Variants in LRRN1 observed in about 807,000 individuals in gnomAD.
LRRN1 encodes the protein leucine rich repeat neuronal 1.
In LRRN1, 14 loss-of-function variants were observed where a neutral mutation model predicts 45.8. That is an observed-to-expected ratio of 0.31 (90% confidence interval 0.20 to 0.48). LRRN1 has a LOEUF of 0.48. Ranked by LOEUF, LRRN1 falls within the 20% of genes least tolerant of loss-of-function variation. The pLI, the probability that LRRN1 is intolerant of heterozygous loss-of-function variation, is 0.99. For missense variants in LRRN1, 789 were observed against 874.2 expected (o/e 0.90, Z 1.23); for synonymous variants, 359 against 330.1 (o/e 1.09, Z -0.95).
rs2106473250 is a variant in LRRN1, at chr3:3,846,359, G to C, written c.1718G>C (p.Arg573Thr). The change falls in exon 2 of 2, where the codon AGG becomes ACG. Residue 573 changes from arginine (R) to threonine (T), a missense_variant. Physicochemically the swap from Arg to Thr is moderately conservative, Grantham distance 71 (BLOSUM62 -1). Transcript: ENST00000319331. This position sits in a 1 kb window ranked among gnomAD's most constrained non-coding sequence, Gnocchi z 5.7. ...IDNPHITYTA[R>T]VPVDVHEYNL... is the part of the protein sequence containing the mutation. The stretch of plus-strand genomic sequence containing the variant: ...AACCCTCACATAACATATACTGCCA[G>C]GGTCCCAGTCGATGTCCATGAATAC... The C allele has an allele frequency of 6.2e-7, 1 of 1,613,818 alleles. No individual in the cohort carries two copies. The highest frequency in any genetic ancestry group is 2.2e-5 in the East Asian group (1 of 44,880).
At chr3:3,823,643 A>G (rs1291217311) in intron 1 of LRRN1, among the ~76,000 whole-genome samples, 2 of 152,150 alleles carry the variant, frequency 1.3e-5, no homozygotes, top group Non-Finnish European at 2.9e-5. Flanking sequence ...TGAGGTAGGT[A>G]TAACTATGCC....
intron 1 of LRRN1, among the ~76,000 whole-genome samples, chr3:3,814,289 C>T: frequency 6.7e-6 from 1 of 150,340 alleles, no homozygotes; most frequent in Non-Finnish European, 1.5e-5. Flanking sequence ...TTAAATGGTC[C>T]CCCTGGCTAT....
At chr3:3,802,529 A>G (rs1168206523) in intron 1 of LRRN1, among the ~76,000 whole-genome samples, 1 of 152,222 alleles carries the variant, frequency 6.6e-6, no homozygotes, top group African/African-American at 2.4e-5. Context: ...GGGGTGGACA[A>G]CAGATGTTAG....
chr3:3,843,299 C>T (rs1693684789), intron 1 of LRRN1, among the ~76,000 whole-genome samples: 1 of 152,172 alleles, frequency 6.6e-6, no homozygotes, highest in Admixed American at 6.5e-5. Context: ...GTGTGAGATA[C>T]AAATACATCT....
intron 1 of LRRN1, among the ~76,000 whole-genome samples, chr3:3,830,614 C>G (rs1018913580): frequency 2.6e-5 from 4 of 152,210 alleles, no homozygotes; most frequent in African/African-American, 9.7e-5. Flanking sequence ...ATGAGGCCAT[C>G]AGGGCAGGCT....
intron 1 of LRRN1, among the ~76,000 whole-genome samples, chr3:3,826,280 GT>G (rs1693213164): frequency 6.6e-6 from 1 of 152,148 alleles, no homozygotes; most frequent in African/African-American, 2.4e-5. Flanking sequence ...TGGAAGTAAA[GT>G]TTTCCATGAC....
Position 3,816,343 on chromosome 3 carries a change from C to G in LRRN1, c.-279+16424C>G, listed in dbSNP as rs1692986749. ...ATACTAAGATAGGGGAACACATTGG[C>G]ATCAAGGAAAATCTACAATAAGAAA... On this transcript the variant is annotated intron_variant, in intron 1 of 1. Coordinates refer to ENST00000319331, the MANE Select transcript of LRRN1 (RefSeq NM_020873.7). The surrounding 1 kb of genome is among the most constrained non-coding windows in gnomAD (Gnocchi z 4.0). 6.6e-6 allele frequency among the ~76,000 whole-genome samples: 1 copy of G among 152,072 alleles called. No homozygotes were observed. Among genetic ancestry groups the G allele is most frequent in the East Asian group, 1.9e-4 (1 of 5,186 alleles).
chr3:3,845,561 C>T lies in LRRN1; in HGVS notation c.920C>T (p.Ala307Val). 1 of 1,614,056 alleles carries T rather than the reference C, an allele frequency of 6.2e-7. No individual in the cohort carries two copies. The highest frequency in any genetic ancestry group is 8.5e-7 in the Non-Finnish European group (1 of 1,180,024). Residue 307 changes from alanine (A) to valine (V), a missense_variant, in exon 2 of 2, where the codon GCC becomes GTC. Physicochemically the swap from Ala to Val is moderately conservative, Grantham distance 64 (BLOSUM62 0). Coordinates refer to ENST00000319331, the MANE Select transcript of LRRN1 (RefSeq NM_020873.7). The surrounding 1 kb of genome is among the most constrained non-coding windows in gnomAD (Gnocchi z 6.5). The stretch of plus-strand genomic sequence containing the variant: ...GAGCTCGTTTCTGTCGACCGCTATG[C>T]CCTGGATAACTTGCCTGAACTCACA... ...MGELVSVDRY[A>V]LDNLPELTKL...
At chr3:3,835,444 G>A (rs536739045) in intron 1 of LRRN1, among the ~76,000 whole-genome samples, 1 of 152,122 alleles carries the variant, frequency 6.6e-6, no homozygotes, top group Non-Finnish European at 1.5e-5. Flanking sequence ...TCAAAAAATT[G>A]TAAGTTGAAC....
intron 1 of LRRN1, among the ~76,000 whole-genome samples, chr3:3,840,948 A>T (rs1329978140): frequency 6.6e-6 from 1 of 152,210 alleles, no homozygotes; most frequent in Non-Finnish European, 1.5e-5. Context: ...AGTCTCTCAC[A>T]CAACTTTAAT....
In LRRN1 at chr3:3,845,721, C is replaced by G. The variant is rs536052153; in HGVS notation, c.1080C>G (p.Leu360=). 9.3e-6 allele frequency: 15 copies of G among 1,614,058 alleles called. No homozygotes were observed. In the East Asian group the frequency reaches 1.8e-4, roughly 19 times the overall value. Residue 360 remains leucine (L), a synonymous_variant, in exon 2 of 2, where the codon CTC becomes CTG. Coordinates refer to ENST00000319331, the MANE Select transcript of LRRN1 (RefSeq NM_020873.7). This position sits in a 1 kb window ranked among gnomAD's most constrained non-coding sequence, Gnocchi z 6.5. ...NAIYQKTVES[L]PNLREISIHS... ...TTTACCAAAAGACAGTCGAATCCCT[C>G]CCCAATCTGCGTGAGATCAGTATCC...
At chr3:3,807,839 G>A (rs1692796822) in intron 1 of LRRN1, among the ~76,000 whole-genome samples, 2 of 152,174 alleles carry the variant, frequency 1.3e-5, no homozygotes, top group African/African-American at 2.4e-5. Flanking sequence ...CTGTGGTTCT[G>A]TGCAGTGAGG....
Position 3,847,456 on chromosome 3 carries a change from G to T in LRRN1, c.*664G>T, listed in dbSNP as rs1238446261. The T allele has an allele frequency of 1.2e-5, 2 of 166,108 alleles. No homozygotes were observed. The highest frequency in any genetic ancestry group is 4.9e-5 in the African/African-American group (2 of 41,116). 10.3% of individuals were successfully genotyped at this position (166,108 alleles called of 1,614,324 possible). A position where few individuals can be genotyped will look rare whatever the true frequency, so the allele number is the denominator to read the frequency against. On this transcript the variant is annotated 3_prime_UTR_variant, in exon 2 of 2. Transcript: ENST00000319331. ...ACAGGCAATAGAAATATGTATATCA[G>T]ATTTTTTAATGTAACAAACTACATG...
At position 3,847,235 on chromosome 3, in the gene LRRN1, T is replaced by C. The variant is rs181736330; in HGVS notation, c.*443T>C. Reference sequence around the variant, plus strand: ...CGGTTTTGAAGCAGCATTGAAACTTTTGTAGCAATCTGGTCTATAGACTTT... The same window carrying C: ...CGGTTTTGAAGCAGCATTGAAACTTCTGTAGCAATCTGGTCTATAGACTTT... On this transcript the variant is annotated 3_prime_UTR_variant, in exon 2 of 2. Coordinates refer to ENST00000319331, the MANE Select transcript of LRRN1 (RefSeq NM_020873.7). 412 of 167,948 alleles carry C rather than the reference T, an allele frequency of 2.5e-3. No individual in the cohort carries two copies. Among genetic ancestry groups the C allele is most frequent in the Non-Finnish European group, 4.2e-3 (293 of 69,174 alleles). 10.4% of individuals were successfully genotyped at this position (167,948 alleles called of 1,614,324 possible).
intron 1 of LRRN1, among the ~76,000 whole-genome samples, chr3:3,803,486 T>A (rs1032373233): frequency 2.6e-5 from 4 of 152,192 alleles, no homozygotes; most frequent in African/African-American, 4.8e-5. Flanking sequence ...AGCACTAATG[T>A]CAGGTTATTC....
intron 1 of LRRN1, among the ~76,000 whole-genome samples, chr3:3,839,681 T>G (rs1693605239): frequency 1.3e-5 from 2 of 152,210 alleles, no homozygotes; most frequent in Non-Finnish European, 2.9e-5. Flanking sequence ...CAATTTTCAT[T>G]GTACAAGTCT....
intron 1 of LRRN1, among the ~76,000 whole-genome samples, chr3:3,806,631 A>G (rs1268138819): frequency 2.0e-5 from 3 of 152,266 alleles, no homozygotes; most frequent in African/African-American, 7.2e-5. Flanking sequence ...GACATAGGAC[A>G]GCACAAGCTG....
At position 3,846,524 on chromosome 3, in the gene LRRN1, C is replaced by T; in HGVS notation, c.1883C>T (p.Thr628Ile). The T allele has an allele frequency of 1.9e-6, 3 of 1,614,170 alleles. No individual in the cohort carries two copies. The highest frequency in any genetic ancestry group is 1.3e-5 in the African/African-American group (1 of 75,050). ...AFAVDISDQE[T>I]STALAAVMGS... ...GCAGTGGACATCTCTGATCAAGAAA[C>T]CAGTACAGCCCTTGCTGCAGTAATG... Residue 628 changes from threonine (T) to isoleucine (I), a missense_variant, in exon 2 of 2, where the codon ACC becomes ATC. Transcript: ENST00000319331. The surrounding 1 kb of genome is among the most constrained non-coding windows in gnomAD (Gnocchi z 5.7).
chr3:3,845,401 G>A lies in LRRN1; in HGVS notation c.760G>A (p.Val254Ile). The A allele has an allele frequency of 6.2e-7, 1 of 1,614,108 alleles. No homozygotes were observed. Among genetic ancestry groups the A allele is most frequent in the Non-Finnish European group, 8.5e-7 (1 of 1,180,008 alleles). Reference protein sequence around the residue: ...LSFYDNKLVKVPQLALQKVPN... With the variant: ...LSFYDNKLVKIPQLALQKVPN... ...TTTTTATGATAACAAACTGGTTAAA[G>A]TCCCTCAACTTGCCCTGCAAAAAGT... The change falls in exon 2 of 2, where the codon GTC (valine) becomes ATC (isoleucine). Residue 254 changes from valine to isoleucine, a missense_variant. By Grantham distance (29) the Val-to-Ile change is conservative. Transcript: ENST00000319331. This position sits in a 1 kb window ranked among gnomAD's most constrained non-coding sequence, Gnocchi z 6.5.
Sources: allele counts gnomAD v4.1 joint callset (sites outside exome capture counted in the v4.1 genomes callset), GRCh38; gene constraint gnomAD v4.1.1; non-coding constraint Gnocchi (gnomAD v3.1); transcripts MANE v1.5; gene names NCBI Gene and HGNC (gene_info 2026-07-23, HGNC 2026-07-21).